SEMA6D: variants seen among roughly 807,000 people sequenced by gnomAD.
SEMA6D encodes the protein semaphorin 6D.
A neutral mutation model predicts 106.6 loss-of-function variants in SEMA6D; 35 were observed. The ratio of observed to expected loss-of-function variants is 0.33; its 90% CI spans 0.25 to 0.44. SEMA6D has a LOEUF of 0.44. Ranked by LOEUF, SEMA6D falls within the 20% of genes least tolerant of loss-of-function variation. The pLI is 1.00. For synonymous variants in SEMA6D, 499 were observed against 487.7 expected (o/e 1.02, Z -0.31); for missense variants, 1,185 against 1,345.9 (o/e 0.88, Z 1.87).
At chr15:47,654,978 T>C (rs2077764269) in intron 4 of SEMA6D, among the ~76,000 whole-genome samples, 1 of 152,194 alleles carries the variant, frequency 6.6e-6, no homozygotes, top group Non-Finnish European at 1.5e-5. Flanking sequence ...ATCTTCTCAC[T>C]GGGTAGGCTG....
intron 1 of SEMA6D, among the ~76,000 whole-genome samples, chr15:47,326,485 T>G (rs2037134034): frequency 6.6e-6 from 1 of 152,352 alleles, no homozygotes; most frequent in South Asian, 2.1e-4. Context: ...ACAGGTCAAA[T>G]GTGAAGCACA....
At chr15:47,477,869 C>T (rs1321951383) in intron 3 of SEMA6D, among the ~76,000 whole-genome samples, 2 of 134,446 alleles carry the variant, frequency 1.5e-5, no homozygotes, top group Admixed American at 1.5e-4. Context: ...GGCTTAGTCT[C>T]CTCATAGTTC....
intron 4 of SEMA6D, among the ~76,000 whole-genome samples, chr15:47,638,084 G>T (rs2077423605): frequency 6.6e-6 from 1 of 150,894 alleles, no homozygotes; most frequent in South Asian, 2.1e-4. Context: ...TTTGCTGCTT[G>T]TTTTCTAATT....
At chr15:47,508,224 G>A (rs762239753) in intron 3 of SEMA6D, among the ~76,000 whole-genome samples, 3 of 152,232 alleles carry the variant, frequency 2.0e-5, no homozygotes, top group Non-Finnish European at 2.9e-5. Context: ...ATAAAGGTTA[G>A]CATTCCATGG....
chr15:47,211,736 C>T (rs1282423032), intron 1 of SEMA6D, among the ~76,000 whole-genome samples: 1 of 152,030 alleles, frequency 6.6e-6, no homozygotes, highest in Non-Finnish European at 1.5e-5. Context: ...ATATTGTAAT[C>T]TTACTGTCAA....
At chr15:47,201,772 G>A (rs1418869618) in intron 1 of SEMA6D, among the ~76,000 whole-genome samples, 2 of 152,104 alleles carry the variant, frequency 1.3e-5, no homozygotes, top group South Asian at 2.1e-4. Flanking sequence ...AAGGAATGCT[G>A]GACAATTGAT....
At chr15:47,226,541 C>G (rs1447087933) in intron 1 of SEMA6D, among the ~76,000 whole-genome samples, 1 of 152,058 alleles carries the variant, frequency 6.6e-6, no homozygotes, top group African/African-American at 2.4e-5. Flanking sequence ...CTTTTCATTC[C>G]TTTTAAATTT....
intron 3 of SEMA6D, among the ~76,000 whole-genome samples, chr15:47,572,365 A>G (rs1253299943): frequency 6.6e-6 from 1 of 152,246 alleles, no homozygotes; most frequent in African/African-American, 2.4e-5. Flanking sequence ...CTATTGTAAT[A>G]TAACACAAAT....
At chr15:47,352,247 G>A (rs1053365759) in intron 1 of SEMA6D, among the ~76,000 whole-genome samples, 11 of 152,102 alleles carry the variant, frequency 7.2e-5, no homozygotes, top group Non-Finnish European at 1.3e-4. Context: ...CATTTATAGT[G>A]TACCAAACAG....
chr15:47,189,302 T>C (rs1470132213), intron 1 of SEMA6D, among the ~76,000 whole-genome samples: 1 of 152,160 alleles, frequency 6.6e-6, no homozygotes, highest in African/African-American at 2.4e-5. Flanking sequence ...GCTTTTGAAA[T>C]TTCTATGTAA....
At chr15:47,626,352 G>A (rs1231536414) in intron 4 of SEMA6D, among the ~76,000 whole-genome samples, 1 of 152,188 alleles carries the variant, frequency 6.6e-6, no homozygotes, top group Non-Finnish European at 1.5e-5. Flanking sequence ...TGAGTTCCCT[G>A]AGTGTGTGGC....
chr15:47,691,763 C>A (rs1294537113), intron 4 of SEMA6D, among the ~76,000 whole-genome samples: 1 of 151,962 alleles, frequency 6.6e-6, no homozygotes, highest in Non-Finnish European at 1.5e-5. Flanking sequence ...CAAAAAAACC[C>A]TATATTGAGT....
At chr15:47,425,679 T>C (rs912503598) in intron 2 of SEMA6D, among the ~76,000 whole-genome samples, 1 of 151,786 alleles carries the variant, frequency 6.6e-6, no homozygotes, top group African/African-American at 2.4e-5. Context: ...TTTCTTTTTT[T>C]TTTTTTTTTG....
intron 2 of SEMA6D, among the ~76,000 whole-genome samples, chr15:47,449,441 G>A (rs2042122771): frequency 6.6e-6 from 1 of 152,046 alleles, no homozygotes; most frequent in Non-Finnish European, 1.5e-5. Context: ...TGCTGCATTT[G>A]GCTATCTGCA....
chr15:47,225,469 A>G (rs1375178613), intron 1 of SEMA6D, among the ~76,000 whole-genome samples: 2 of 132,648 alleles, frequency 1.5e-5, no homozygotes, highest in African/African-American at 3.1e-5. Context: ...TGAGGTGTCT[A>G]TTGAGGTCTT....
At chr15:47,228,753 G>A (rs1359146050) in intron 1 of SEMA6D, among the ~76,000 whole-genome samples, 1 of 151,984 alleles carries the variant, frequency 6.6e-6, no homozygotes, top group African/African-American at 2.4e-5. Flanking sequence ...AGAGGCAGGA[G>A]ACTGGCTATA....
rs370239252 is a variant in SEMA6D at position 47,242,456 on chromosome 15, A to G, written c.-239+58038A>G. ...TCCCAGTTGTTCCTTTGTGTTCTGC[A>G]TAATACTTTGTAGACCTGGGTCAGG... On this transcript the variant is annotated intron_variant, in intron 1 of 19. Coordinates refer to the SEMA6D transcript ENST00000558014. Among the ~76,000 whole-genome samples the G allele has an allele frequency of 5.9e-5, 9 of 152,284 alleles. No individual in the cohort carries two copies. In the East Asian group the frequency reaches 9.7e-4, roughly 16 times the overall value.
chr15:47,370,469 C>A (rs142392498), intron 1 of SEMA6D, among the ~76,000 whole-genome samples: 1 of 151,786 alleles, frequency 6.6e-6, no homozygotes, highest in Non-Finnish European at 1.5e-5. Flanking sequence ...GAGCCGACAT[C>A]GAGCCACTGC....
chr15:47,355,669 T>C (rs1246594092), intron 1 of SEMA6D, among the ~76,000 whole-genome samples: 2 of 152,226 alleles, frequency 1.3e-5, no homozygotes. Flanking sequence ...CCTGCTTAAA[T>C]AGCTTTTAAG....
Sources: gnomAD v4.1 joint callset for allele counts (sites outside exome capture counted in the v4.1 genomes callset) on GRCh38, gnomAD v4.1.1 for gene constraint, MANE v1.5 for transcripts, NCBI Gene and HGNC (gene_info 2026-07-23, HGNC 2026-07-21) for gene names.